Variants in CDH13 observed in about 807,000 individuals in gnomAD.
The protein encoded by CDH13 is cadherin 13.
CDH13 carries 24 observed loss-of-function variants against 63.8 expected under a neutral mutation model. The ratio of observed to expected loss-of-function variants is 0.38; its 90% CI spans 0.27 to 0.53. The LOEUF is 0.53. Among genes scored for constraint, CDH13 ranks in the 20% least tolerant of loss-of-function variants. The pLI is 0.85. For missense variants in CDH13, 1,049 were observed against 903.1 expected (o/e 1.16, Z -2.07); for synonymous variants, 503 against 355.3 (o/e 1.42, Z -4.67).
At chr16:83,343,312 A>G (rs2090767665) in intron 5 of CDH13, among the ~76,000 whole-genome samples, 1 of 152,218 alleles carries the variant, frequency 6.6e-6, no homozygotes, top group African/African-American at 2.4e-5. Context: ...TTCTAAGTAG[A>G]TCAATAAAGT....
intron 10 of CDH13, among the ~76,000 whole-genome samples, chr16:83,731,847 A>G (rs927609769): frequency 6.6e-6 from 1 of 152,198 alleles, no homozygotes; most frequent in African/African-American, 2.4e-5. Context: ...AAATGAGCAA[A>G]ATTCTCGTGT....
intron 2 of CDH13, among the ~76,000 whole-genome samples, chr16:82,869,577 A>T (rs2040272437): frequency 6.6e-6 from 1 of 152,226 alleles, no homozygotes; most frequent in African/African-American, 2.4e-5. Flanking sequence ...TATCTGACTT[A>T]CAGTTGTACT....
intron 7 of CDH13, among the ~76,000 whole-genome samples, chr16:83,559,535 C>T (rs989157799): frequency 5.3e-5 from 8 of 150,760 alleles, no homozygotes; most frequent in African/African-American, 1.2e-4. Flanking sequence ...CATGTCATTG[C>T]ACTCCAGCTT....
chr16:82,640,385 G>A (rs1346950525), intron 1 of CDH13, among the ~76,000 whole-genome samples: 2 of 152,024 alleles, frequency 1.3e-5, no homozygotes, highest in African/African-American at 2.4e-5. Context: ...TTTTACTGTT[G>A]GGAATTTACG....
At chr16:83,342,976 G>A (rs2090761103) in intron 5 of CDH13, among the ~76,000 whole-genome samples, 1 of 146,732 alleles carries the variant, frequency 6.8e-6, no homozygotes, top group East Asian at 2.0e-4. Context: ...TCCTTTGTTA[G>A]CAGTATTCTC....
intron 6 of CDH13, among the ~76,000 whole-genome samples, chr16:83,414,068 TA>T (rs1597964970): frequency 6.6e-6 from 1 of 152,202 alleles, no homozygotes; most frequent in East Asian, 1.9e-4. Flanking sequence ...TTGATTCTTT[TA>T]CTTCCCTAAC....
At chr16:82,841,152 G>A (rs1211627098) in intron 1 of CDH13, among the ~76,000 whole-genome samples, 1 of 152,196 alleles carries the variant, frequency 6.6e-6, no homozygotes. Flanking sequence ...GTGTTGCCCT[G>A]TTTGACTCCA....
chr16:83,692,456 G>C (rs1198220925), intron 10 of CDH13, among the ~76,000 whole-genome samples: 1 of 152,158 alleles, frequency 6.6e-6, no homozygotes, highest in Non-Finnish European at 1.5e-5. Context: ...ACATCCACCT[G>C]TTGCACGGGT....
intron 1 of CDH13, among the ~76,000 whole-genome samples, chr16:82,755,110 C>T (rs1333795325): frequency 1.3e-5 from 2 of 152,172 alleles, no homozygotes; most frequent in Admixed American, 6.5e-5. Context: ...ATGGGTCGAC[C>T]TGATAAAATA....
At chr16:83,103,331 G>T (rs1158878426) in intron 3 of CDH13, among the ~76,000 whole-genome samples, 1 of 143,410 alleles carries the variant, frequency 7.0e-6, no homozygotes, top group East Asian at 2.1e-4. Flanking sequence ...ACTGCAACCA[G>T]TGCCTCCAGG....
intron 6 of CDH13, among the ~76,000 whole-genome samples, chr16:83,458,149 C>G (rs2073074374): frequency 6.6e-6 from 1 of 152,192 alleles, no homozygotes; most frequent in Admixed American, 6.5e-5. Flanking sequence ...GCTGGGACGT[C>G]TCTGTCTTCC....
In CDH13 at chr16:82,968,215, G is replaced by T. The variant is rs377750039; in HGVS notation, c.158-63795G>T. Among the ~76,000 whole-genome samples the T allele has an allele frequency of 7.9e-5, 12 of 152,234 alleles. No individual in the cohort carries two copies. In the East Asian group the frequency reaches 1.9e-3, roughly 24 times the overall value. On this transcript the variant is annotated intron_variant, in intron 2 of 13. Coordinates refer to ENST00000567109, the MANE Select transcript of CDH13 (RefSeq NM_001257.5). ...CTTGTGCGCCAATTGTCCACCGTTT[G>T]TCCAGTGGGAAGCCTAACATGCAGT...
intron 2 of CDH13, among the ~76,000 whole-genome samples, chr16:82,897,941 T>C (rs1376865126): frequency 1.3e-5 from 2 of 152,236 alleles, no homozygotes; most frequent in Non-Finnish European, 2.9e-5. Flanking sequence ...GTGTTAATCT[T>C]TATGCCTCTG....
Position 83,032,190 on chromosome 16 carries a change from G to C in CDH13, c.338G>C (p.Gly113Ala), listed in dbSNP as rs575477444. 5.0e-6 allele frequency: 8 copies of C among 1,613,624 alleles called. No individual in the cohort carries two copies. The African/African-American group carries it at 5.3e-5, about 11-fold the overall frequency. The change falls in exon 3 of 14, where the codon GGG becomes GCG. Residue 113 changes from glycine (G) to alanine (A), a missense_variant. Gly to Ala is a moderately conservative substitution (Grantham distance 60). Coordinates refer to ENST00000567109, the MANE Select transcript of CDH13 (RefSeq NM_001257.5). ...GATATGGCAGAACTCGTGATTGTCG[G>C]GGGGAAAGACATCCAGGGCTCCTTG... ...AEDMAELVIV[G>A]GKDIQGSLQD...
intron 7 of CDH13, among the ~76,000 whole-genome samples, chr16:83,591,057 C>T (rs950937592): frequency 6.6e-6 from 1 of 151,902 alleles, no homozygotes; most frequent in African/African-American, 2.4e-5. Context: ...ATTACAGGCA[C>T]CTGCCACCAC....
chr16:83,632,756 A>G (rs2150796195), intron 8 of CDH13, among the ~76,000 whole-genome samples: 1 of 150,886 alleles, frequency 6.6e-6, no homozygotes, highest in South Asian at 2.1e-4. Flanking sequence ...CAAGTTTATT[A>G]AGAAAGTAAA....
intron 4 of CDH13, among the ~76,000 whole-genome samples, chr16:83,176,694 T>A (rs1347058174): frequency 3.9e-5 from 6 of 152,002 alleles, no homozygotes; most frequent in Non-Finnish European, 8.8e-5. Context: ...AGAATTACTG[T>A]CTTAAAAGGG....
chr16:83,786,280 C>G (rs1049245709), intron 13 of CDH13, among the ~76,000 whole-genome samples: 1 of 152,194 alleles, frequency 6.6e-6, no homozygotes, highest in African/African-American at 2.4e-5. Flanking sequence ...TTGCCGTACA[C>G]AATTGCCACT....
intron 2 of CDH13, among the ~76,000 whole-genome samples, chr16:82,863,028 C>G (rs538528665): frequency 2.7e-4 from 41 of 152,330 alleles, no homozygotes; most frequent in South Asian, 4.1e-4. Context: ...ATTCTAAGAT[C>G]TAATCATGTC....
Sources: gnomAD v4.1 joint callset for allele counts (sites outside exome capture counted in the v4.1 genomes callset) on GRCh38, gnomAD v4.1.1 for gene constraint, MANE v1.5 for transcripts, NCBI Gene and HGNC (gene_info 2026-07-23, HGNC 2026-07-21) for gene names.